The following DNAJC6 variants were observed in gnomAD, a reference collection of about 807,000 sequenced individuals.
DNAJC6 encodes the protein DnaJ heat shock protein family (Hsp40) member C6, also known as auxilin.
A neutral mutation model predicts 110.0 loss-of-function variants in DNAJC6; 34 were observed. The observed-to-expected ratio is 0.31, with a 90% CI of 0.24 to 0.41. The LOEUF (loss-of-function observed/expected upper bound fraction) is 0.41. Ranked by LOEUF, DNAJC6 falls within the 10% of genes least tolerant of loss-of-function variation. The pLI, the probability that DNAJC6 is intolerant of heterozygous loss-of-function variation, is 1.00. For synonymous variants in DNAJC6, 406 were observed against 437.2 expected, an observed-to-expected ratio of 0.93 and a Z score of 0.89; for missense variants, 1,031 against 1,207.8, an observed-to-expected ratio of 0.85 and a Z score of 2.17.
chr1:65,377,021 C>T (rs11806845), intron 4 of DNAJC6, among the ~76,000 whole-genome samples: 4,659 of 152,270 alleles, frequency 0.031, 95 homozygotes, highest in South Asian at 0.11. Context: ...CCTAGGCCTC[C>T]CAAAGTGTTG....
At chr1:65,316,770 A>G (rs544294619) in intron 1 of DNAJC6, among the ~76,000 whole-genome samples, 1 of 152,334 alleles carries the variant, frequency 6.6e-6, no homozygotes, top group Admixed American at 6.5e-5. Context: ...TTTCATATGT[A>G]AAGACACTGG....
chr1:65,395,097 C>A, intron 13 of DNAJC6, 65 bp downstream of exon 13: 10 of 1,470,192 alleles, frequency 6.8e-6, no homozygotes, highest in Non-Finnish European at 9.0e-6. Context: ...AGTAAGTGCT[C>A]ATATATAAAA....
intron 1 of DNAJC6, among the ~76,000 whole-genome samples, chr1:65,326,174 A>T (rs1645240264): frequency 6.6e-6 from 1 of 152,184 alleles, no homozygotes; most frequent in Non-Finnish European, 1.5e-5. Context: ...TGTCTGGGAG[A>T]GAACCTGGGA....
intron 14 of DNAJC6, 38 bp from the exon 15 acceptor site, chr1:65,401,723 C>G (rs753027980): frequency 1.3e-6 from 2 of 1,592,554 alleles, no homozygotes; most frequent in South Asian, 2.3e-5. Flanking sequence ...CAGCCTCAAA[C>G]AACTAACTCA....
chr1:65,268,004 A>AT (rs1252440457), intron 1 of DNAJC6, among the ~76,000 whole-genome samples: 1 of 152,160 alleles, frequency 6.6e-6, no homozygotes, highest in Non-Finnish European at 1.5e-5. Flanking sequence ...AACACTAAAA[A>AT]TTAGAGTCTC....
chr1:65,309,385 G>GAC (rs1645074931), upstream of DNAJC6: 1 of 210,404 alleles, frequency 4.8e-6, no homozygotes, highest in Admixed American at 6.5e-5. Context: ...GCGACGCGGC[G>GAC]ACACCTATAG....
chr1:65,401,830 A>T lies in DNAJC6; in HGVS notation c.2177A>T (p.His726Leu), dbSNP rs1646032740. 3.7e-6 allele frequency: 6 copies of T among 1,613,948 alleles called. No individual in the cohort carries two copies. Among genetic ancestry groups the T allele is most frequent in the Non-Finnish European group, 4.2e-6 (5 of 1,179,954 alleles). Reference protein sequence around the residue: ...PTGSSHGTPTHQSKPQTLDPF... With the variant: ...PTGSSHGTPTLQSKPQTLDPF... The stretch of plus-strand genomic sequence containing the variant: ...GGATCCTCGCATGGTACTCCCACCC[A>T]TCAAAGCAAACCCCAGACTCTGGAT... The change falls in exon 15 of 19, where the codon CAT becomes CTT. Residue 726 changes from histidine to leucine, a missense_variant. Coordinates refer to ENST00000371069, the MANE Select transcript of DNAJC6 (RefSeq NM_001256864.2).
chr1:65,302,125 A>AT (rs1557508056), intron 1 of DNAJC6, among the ~76,000 whole-genome samples: 3,346 of 20,614 alleles, frequency 0.16, 60 homozygotes, highest in Non-Finnish European at 0.19. Context: ...TATATATATA[A>AT]AAAATATATA....
In DNAJC6 at chr1:65,415,584, T is replaced by C. The variant is rs1482634456; in HGVS notation, c.*2559T>C. 6.6e-6 allele frequency: 1 copy of C among 152,082 alleles called. No homozygotes were observed. The highest frequency in any genetic ancestry group is 2.4e-5 in the African/African-American group (1 of 41,400). The allele number at this position is 152,082 out of a possible 1,614,324, so 9.4% of individuals were successfully genotyped here. ...TCCTAGCCAAAAAAATCAAAGGATT[T>C]TCAAAAAAACGAATCTGTATGTTGA... is the stretch of plus-strand genomic sequence containing the variant. On this transcript the variant is annotated 3_prime_UTR_variant, in exon 19 of 19. Transcript: ENST00000371069.
In DNAJC6 at chr1:65,279,148, A is replaced by G. The variant is rs892285235; in HGVS notation, c.-131+14216A>G. 4.1e-6 allele frequency: 4 copies of G among 985,254 alleles called. No homozygotes were observed. In the African/African-American group the frequency reaches 7.0e-5, roughly 17 times the overall value. The allele number at this position is 985,254 out of a possible 1,614,324, so 61.0% of individuals were successfully genotyped here. A position where few individuals can be genotyped will look rare whatever the true frequency, so the allele number is the denominator to read the frequency against. The stretch of plus-strand genomic sequence containing the variant: ...GTATGTTTGATCCTCTTTTAAAGCC[A>G]TTTTTAGTTTGGTGCTGTGTGGTTT... On this transcript the variant is annotated intron_variant, in intron 1 of 19. Transcript: ENST00000263441.
intron 1 of DNAJC6, among the ~76,000 whole-genome samples, chr1:65,288,723 T>C (rs1654099124): frequency 6.6e-6 from 1 of 152,190 alleles, no homozygotes; most frequent in Non-Finnish European, 1.5e-5. Flanking sequence ...TGTTTTACAC[T>C]GTAGATTCAT....
At chr1:65,372,417 CAT>C (rs1403155887) in intron 4 of DNAJC6, among the ~76,000 whole-genome samples, 1 of 151,980 alleles carries the variant, frequency 6.6e-6, no homozygotes, top group African/African-American at 2.4e-5. Context: ...GAGCACCTAC[CAT>C]ATGAGCAACA....
intron 1 of DNAJC6, among the ~76,000 whole-genome samples, chr1:65,289,054 C>T (rs1654110432): frequency 6.6e-6 from 1 of 152,190 alleles, no homozygotes; most frequent in African/African-American, 2.4e-5. Flanking sequence ...TACTGGGTCA[C>T]ATGGTATGTG....
chr1:65,301,995 G>A (rs1644983807), intron 1 of DNAJC6, among the ~76,000 whole-genome samples: 1 of 150,314 alleles, frequency 6.7e-6, no homozygotes, highest in Admixed American at 6.7e-5. Context: ...GAGAGAGAGA[G>A]GGAGAGAAAG....
intron 4 of DNAJC6, among the ~76,000 whole-genome samples, chr1:65,376,558 G>A (rs1645768266): frequency 6.6e-6 from 1 of 151,528 alleles, no homozygotes. Context: ...TTCTTTTGCT[G>A]TATCCCATAT....
At chr1:65,351,098 G>C (rs1480050038) in intron 1 of DNAJC6, among the ~76,000 whole-genome samples, 1 of 151,864 alleles carries the variant, frequency 6.6e-6, no homozygotes, top group East Asian at 1.9e-4. Context: ...AGTAGTTTTT[G>C]TATTTTGATC....
At chr1:65,396,774 T>G (rs1645982582) in intron 13 of DNAJC6, among the ~76,000 whole-genome samples, 3 of 152,186 alleles carry the variant, frequency 2.0e-5, no homozygotes, top group Admixed American at 2.0e-4. Flanking sequence ...GAATTTTGTT[T>G]TGTTCATTAA....
chr1:65,288,995 A>G (rs553077843), intron 1 of DNAJC6, among the ~76,000 whole-genome samples: 1 of 152,160 alleles, frequency 6.6e-6, no homozygotes, highest in South Asian at 2.1e-4. Flanking sequence ...ATGTGAACAT[A>G]TTTCTGTTGG....
intron 1 of DNAJC6, among the ~76,000 whole-genome samples, chr1:65,311,684 G>A (rs1645103454): frequency 1.3e-5 from 2 of 152,144 alleles, no homozygotes; most frequent in Non-Finnish European, 2.9e-5. Flanking sequence ...ATGTTTACAT[G>A]TAGTGAGCAT....
Sources: gnomAD v4.1 joint callset for allele counts (sites outside exome capture counted in the v4.1 genomes callset) on GRCh38, gnomAD v4.1.1 for gene constraint, MANE v1.5 for transcripts, NCBI Gene and HGNC (gene_info 2026-07-23, HGNC 2026-07-21) for gene names.